Variants in KLHL1 observed in about 807,000 individuals in gnomAD.
The protein encoded by KLHL1 is kelch-like protein 1.
KLHL1 carries 47 observed loss-of-function variants against 77.7 expected under a neutral mutation model. That is an observed-to-expected ratio of 0.60 (90% CI 0.48 to 0.77). The LOEUF (loss-of-function observed/expected upper bound fraction) is 0.77. Among genes scored for constraint, KLHL1 ranks in the 30% least tolerant of loss-of-function variants. The probability of loss-of-function intolerance (pLI) is 0.00; values close to 1 mark genes in which losing one functional copy is unlikely to be tolerated. For missense variants in KLHL1, 925 were observed against 910.8 expected (o/e 1.02, Z -0.20); for synonymous variants, 360 against 325.2 (o/e 1.11, Z -1.15).
chr13:70,105,544 A>T (rs1426263800), intron 1 of KLHL1, among the ~76,000 whole-genome samples: 3 of 151,416 alleles, frequency 2.0e-5, no homozygotes, highest in Non-Finnish European at 3.0e-5. Flanking sequence ...GAGTCTCAAA[A>T]CTATCAGTTT....
At chr13:69,972,483 C>T (rs1043426323) in intron 2 of KLHL1, among the ~76,000 whole-genome samples, 1 of 151,746 alleles carries the variant, frequency 6.6e-6, no homozygotes, top group Non-Finnish European at 1.5e-5. Context: ...TGATCATGAA[C>T]ATATTGCATG....
intron 1 of KLHL1, among the ~76,000 whole-genome samples, chr13:70,084,365 T>A (rs980577926): frequency 1.3e-4 from 20 of 152,138 alleles, no homozygotes; most frequent in African/African-American, 4.8e-4. Flanking sequence ...AGTTGAATAC[T>A]TATGTCTCCA....
intron 10 of KLHL1, among the ~76,000 whole-genome samples, chr13:69,705,838 C>T (rs1258831957): frequency 1.3e-5 from 2 of 151,646 alleles, no homozygotes; most frequent in Non-Finnish European, 3.0e-5. Flanking sequence ...TTACCTATTA[C>T]TACCTACTAC....
chr13:70,034,276 G>A (rs978281755), intron 1 of KLHL1, among the ~76,000 whole-genome samples: 3 of 152,082 alleles, frequency 2.0e-5, no homozygotes, highest in Non-Finnish European at 4.4e-5. Context: ...CACAACTGAC[G>A]AATTTTGACT....
At chr13:70,081,170 A>C (rs1887381983) in intron 1 of KLHL1, among the ~76,000 whole-genome samples, 2 of 152,182 alleles carry the variant, frequency 1.3e-5, no homozygotes, top group African/African-American at 4.8e-5. Context: ...AAATGTTAAA[A>C]CTGAAAGCCC....
chr13:69,730,358 C>T (rs755813423), intron 8 of KLHL1, among the ~76,000 whole-genome samples: 12 of 151,812 alleles, frequency 7.9e-5, no homozygotes, highest in Non-Finnish European at 1.3e-4. Context: ...ATACTTCTCA[C>T]CCATATTAGG....
intron 7 of KLHL1, among the ~76,000 whole-genome samples, chr13:69,766,292 T>C (rs1285341239): frequency 6.6e-6 from 1 of 151,206 alleles, no homozygotes; most frequent in East Asian, 1.9e-4. Context: ...ACAAGAGTTG[T>C]TTTTCATTAT....
At chr13:70,001,315 A>C (rs1217696189) in intron 1 of KLHL1, among the ~76,000 whole-genome samples, 2 of 151,210 alleles carry the variant, frequency 1.3e-5, no homozygotes, top group Non-Finnish European at 1.5e-5. Flanking sequence ...GAATTCTGCA[A>C]ACATTTAAAA....
chr13:70,054,146 T>G (rs1886690823), intron 1 of KLHL1, among the ~76,000 whole-genome samples: 1 of 152,154 alleles, frequency 6.6e-6, no homozygotes, highest in Non-Finnish European at 1.5e-5. Context: ...TACTACACAT[T>G]ACACACTGTG....
chr13:69,752,161 A>T (rs9599508), intron 7 of KLHL1, among the ~76,000 whole-genome samples: 54,235 of 151,914 alleles, frequency 0.36, 9,784 homozygotes, highest in Non-Finnish European at 0.37. Flanking sequence ...TCAGTATTCA[A>T]TATGTTGAAG....
chr13:69,831,716 T>A lies in KLHL1; in HGVS notation c.1414+7260A>T, dbSNP rs375273515. Among the ~76,000 whole-genome samples, 4 of 150,050 alleles carry A rather than the reference T, an allele frequency of 2.7e-5. No individual in the cohort carries two copies. In the East Asian group the frequency reaches 7.7e-4, roughly 29 times the overall value. On this transcript the variant is annotated intron_variant, in intron 6 of 10. Coordinates refer to ENST00000377844, the MANE Select transcript of KLHL1 (RefSeq NM_020866.3). ...AATCCTCCGCAAAATACTAGCTAAA[T>A]AAATCCAACACCATATCAAAAAGAT...
chr13:70,037,932 T>G (rs1214385145), intron 1 of KLHL1, among the ~76,000 whole-genome samples: 1 of 152,182 alleles, frequency 6.6e-6, no homozygotes, highest in Non-Finnish European at 1.5e-5. Context: ...ATATACATTT[T>G]ATATATTTGG....
rs563613236 is a variant in KLHL1 at position 70,039,895 on chromosome 13, C to T, written c.498-64093G>A. Reference sequence around the variant, plus strand: ...ACCTCAAGTGATCTGTGTGCCTGGGCCTCCCAAACTGCTTGGATTATTTGA... The same window carrying T: ...ACCTCAAGTGATCTGTGTGCCTGGGTCTCCCAAACTGCTTGGATTATTTGA... On this transcript the variant is annotated intron_variant, in intron 1 of 10. Coordinates refer to ENST00000377844, the MANE Select transcript of KLHL1 (RefSeq NM_020866.3). Among the ~76,000 whole-genome samples the T allele has an allele frequency of 5.3e-5, 8 of 151,728 alleles. No homozygotes were observed. The East Asian group carries it at 1.6e-3, about 29-fold the overall frequency.
intron 1 of KLHL1, among the ~76,000 whole-genome samples, chr13:70,053,883 A>G (rs77747487): frequency 0.015 from 2,240 of 152,198 alleles, 19 homozygotes; most frequent in Non-Finnish European, 0.022. Flanking sequence ...CTTACTGTCC[A>G]ATAGGGAATG....
chr13:69,938,655 A>G (rs566051608), intron 4 of KLHL1, among the ~76,000 whole-genome samples: 1 of 152,154 alleles, frequency 6.6e-6, no homozygotes, highest in South Asian at 2.1e-4. Context: ...TTGGACTTTG[A>G]TATTTTGGTT....
intron 4 of KLHL1, among the ~76,000 whole-genome samples, 194 bp downstream of exon 4, chr13:69,939,846 T>C (rs1883312248): frequency 1.3e-5 from 2 of 152,102 alleles, no homozygotes; most frequent in African/African-American, 4.8e-5. Flanking sequence ...AAAAGAACAA[T>C]AAATCCAGTA....
intron 1 of KLHL1, among the ~76,000 whole-genome samples, chr13:69,993,872 T>C (rs1050763122): frequency 6.6e-6 from 1 of 152,120 alleles, no homozygotes; most frequent in African/African-American, 2.4e-5. Context: ...GAATGGGAAT[T>C]TGAAAGCCTA....
intron 1 of KLHL1, among the ~76,000 whole-genome samples, chr13:70,026,943 T>A (rs1338300633): frequency 6.6e-6 from 1 of 152,138 alleles, no homozygotes; most frequent in Non-Finnish European, 1.5e-5. Flanking sequence ...ATAAAATGTG[T>A]ATGTTCCTTC....
At chr13:69,966,828 C>T (rs7999936) in intron 2 of KLHL1, among the ~76,000 whole-genome samples, 92,974 of 151,988 alleles carry the variant, frequency 0.61, 28,548 homozygotes, top group South Asian at 0.65. Context: ...ATAATCACAG[C>T]TTTTAGCAAC....
Sources: gnomAD v4.1 joint callset for allele counts (sites outside exome capture counted in the v4.1 genomes callset) on GRCh38, gnomAD v4.1.1 for gene constraint, MANE v1.5 for transcripts, NCBI Gene and HGNC (gene_info 2026-07-23, HGNC 2026-07-21) for gene names.